The following METTL6 variants were observed in gnomAD, a reference collection of about 807,000 sequenced individuals.
METTL6 encodes the protein tRNA N(3)-cytidine methyltransferase METTL6.
METTL6 carries 22 observed loss-of-function variants against 26.4 expected under a neutral mutation model. The observed-to-expected ratio is 0.83, with a 90% CI of 0.59 to 1.19. The LOEUF (loss-of-function observed/expected upper bound fraction) is 1.19, where lower values mean the gene tolerates loss of function less well. METTL6 is among the 50% of genes most tolerant of loss of function. METTL6 has a pLI of 0.00. For synonymous variants in METTL6, 109 were observed against 116.2 expected, an observed-to-expected ratio of 0.94 and a Z score of 0.40; for missense variants, 304 against 324.8, an observed-to-expected ratio of 0.94 and a Z score of 0.49.
At chr3:15,407,851 T>C (rs1221028462), downstream of METTL6, among the ~76,000 whole-genome samples, 1 of 152,206 alleles carries the variant, frequency 6.6e-6, no homozygotes, top group Non-Finnish European at 1.5e-5. Context: ...GTTCTCTTTA[T>C]GGGAACTAGA....
At chr3:15,425,811 C>T (rs1365949324) in intron 2 of METTL6, among the ~76,000 whole-genome samples, 1 of 152,218 alleles carries the variant, frequency 6.6e-6, no homozygotes, top group Non-Finnish European at 1.5e-5. Context: ...GTTAACCAAA[C>T]CAGAAACTGC....
chr3:15,405,398 T>C (rs2124942921), downstream of METTL6, among the ~76,000 whole-genome samples: 1 of 152,342 alleles, frequency 6.6e-6, no homozygotes, highest in Non-Finnish European at 1.5e-5. Flanking sequence ...GCTCATAAGT[T>C]GATCTAGAAA....
At chr3:15,425,115 A>C in intron 2 of METTL6, 26 bp from the exon 3 acceptor site, 1 of 1,610,034 alleles carries the variant, frequency 6.2e-7, no homozygotes, top group Non-Finnish European at 8.5e-7. Context: ...TCAAAGTTAT[A>C]GTATATCACA....
At chr3:15,397,040 A>C (rs1227965781) in intron 6 of METTL6, among the ~76,000 whole-genome samples, 1 of 152,188 alleles carries the variant, frequency 6.6e-6, no homozygotes, top group African/African-American at 2.4e-5. Flanking sequence ...AAGTCTGCAG[A>C]GGTTTCTGCT....
At chr3:15,395,763 T>C (rs1349451273) in intron 6 of METTL6, among the ~76,000 whole-genome samples, 1 of 152,226 alleles carries the variant, frequency 6.6e-6, no homozygotes, top group Non-Finnish European at 1.5e-5. Context: ...AAGTTTAGTT[T>C]GGCTGGATAT....
chr3:15,388,192 C>G (rs1699249312), intron 6 of METTL6, among the ~76,000 whole-genome samples: 1 of 152,168 alleles, frequency 6.6e-6, no homozygotes, highest in African/African-American at 2.4e-5. Flanking sequence ...CTCACTGCAA[C>G]CTCCGCCTCC....
chr3:15,414,450 C>A, intron 4 of METTL6: 2 of 674,146 alleles, frequency 3.0e-6, no homozygotes, highest in Non-Finnish European at 3.9e-6. Flanking sequence ...CCGTCTCCCA[C>A]GTTCAAGTGA....
intron 6 of METTL6, among the ~76,000 whole-genome samples, chr3:15,395,408 G>T (rs145832743): frequency 5.9e-5 from 9 of 152,244 alleles, no homozygotes; most frequent in African/African-American, 2.2e-4. Flanking sequence ...CATGTGAGAT[G>T]GGTTTCCTGA....
Position 15,411,315 on chromosome 3 carries a change from A to C in METTL6, c.796T>G (p.Phe266Val). Residue 266 changes from phenylalanine to valine, a missense_variant, in exon 6 of 6, where the codon TTT (phenylalanine) becomes GTT (valine). Phe to Val is a conservative substitution (Grantham distance 50). Coordinates refer to ENST00000383790, the MANE Select transcript of METTL6 (RefSeq NM_152396.4). ...GATGGGTTCTTAGGAGGCTTTAGAA[A>C]TTTGCTCTGAAGGAAAACTCTTGGC... ...CVPRVFLQSK[F>V]LKPPKNPSPV... 1 of 1,614,168 alleles carries C rather than the reference A, an allele frequency of 6.2e-7. No homozygotes were observed. The highest frequency in any genetic ancestry group is 2.2e-5 in the East Asian group (1 of 44,872).
At chr3:15,414,873 G>A (rs1480760648) in intron 4 of METTL6, 2 of 813,620 alleles carry the variant, frequency 2.5e-6, no homozygotes, top group Admixed American at 2.4e-5. Flanking sequence ...AGTGAGCCAC[G>A]TCCATGCCAC....
At chr3:15,414,984 C>G (rs1220805985) in intron 4 of METTL6, 2 of 1,098,500 alleles carry the variant, frequency 1.8e-6, no homozygotes, top group Non-Finnish European at 2.2e-6. Context: ...GAAGCACTTT[C>G]TTGCAACATT....
At chr3:15,422,804 A>G (rs962127702) in intron 3 of METTL6, among the ~76,000 whole-genome samples, 2 of 152,222 alleles carry the variant, frequency 1.3e-5, no homozygotes, top group Non-Finnish European at 2.9e-5. Context: ...GGTAGTTACT[A>G]TCTTAACCCT....
At chr3:15,395,729 T>C (rs1699469916) in intron 6 of METTL6, among the ~76,000 whole-genome samples, 1 of 151,868 alleles carries the variant, frequency 6.6e-6, no homozygotes, top group Non-Finnish European at 1.5e-5. Flanking sequence ...TGCTTGTCTG[T>C]ATTTTATTTC....
intron 6 of METTL6, among the ~76,000 whole-genome samples, chr3:15,402,289 T>A (rs1369033739): frequency 3.3e-5 from 5 of 152,104 alleles, no homozygotes; most frequent in Non-Finnish European, 7.4e-5. Flanking sequence ...CAAGGATAGT[T>A]TGGTGGGCAG....
At chr3:15,383,976 C>T in exon 7 of METTL6, 1 of 258,736 alleles carries the variant, frequency 3.9e-6, no homozygotes, top group Non-Finnish European at 7.6e-6. Context: ...TGCAAGTCCA[C>T]ACAGCCAGAC....
intron 3 of METTL6, among the ~76,000 whole-genome samples, chr3:15,421,886 T>G (rs1311092285): frequency 6.6e-6 from 1 of 152,344 alleles, no homozygotes; most frequent in African/African-American, 2.4e-5. Flanking sequence ...CACTCCAGCC[T>G]GGGCAATAAG....
intron 3 of METTL6, among the ~76,000 whole-genome samples, chr3:15,421,247 AATAAT>A (rs1196548711): frequency 1.3e-5 from 2 of 152,210 alleles, no homozygotes; most frequent in Admixed American, 6.5e-5. Flanking sequence ...GACAACATAT[AATAAT>A]ATAATTAGTA....
chr3:15,424,946 T>C lies in METTL6; in HGVS notation c.360+9A>G, dbSNP rs753635393. 3 of 1,613,822 alleles carry C rather than the reference T, an allele frequency of 1.9e-6. No individual in the cohort carries two copies. Among genetic ancestry groups the C allele is most frequent in the East Asian group, 4.5e-5 (2 of 44,880 alleles). ...GAAACACAGCAGAATACATAGATGG[T>C]GCACCAACCTTAACATATTCAATGG... On this transcript the variant is annotated intron_variant, in intron 3 of 5. Transcript: ENST00000383790.
intron 6 of METTL6, among the ~76,000 whole-genome samples, chr3:15,391,385 AT>A (rs772863529): frequency 2.0e-5 from 3 of 151,966 alleles, no homozygotes; most frequent in Non-Finnish European, 2.9e-5. Context: ...GCCAATCTCC[AT>A]CTTGCTTTTA....
Sources: allele counts gnomAD v4.1 joint callset (sites outside exome capture counted in the v4.1 genomes callset), GRCh38; gene constraint gnomAD v4.1.1; transcripts MANE v1.5; gene names NCBI Gene and HGNC (gene_info 2026-07-23, HGNC 2026-07-21).